Variants in HEATR9 observed in about 807,000 individuals in gnomAD.
HEATR9 encodes the protein HEAT repeat containing 9, also known as protein HEATR9.
HEATR9 carries 54 observed loss-of-function variants against 68.2 expected under a neutral mutation model. The ratio of observed to expected loss-of-function variants is 0.79; its 90% CI spans 0.64 to 0.99. The LOEUF (loss-of-function observed/expected upper bound fraction) is 0.99, where lower values mean the gene tolerates loss of function less well. Ranked by LOEUF, HEATR9 falls within the 50% of genes least tolerant of loss-of-function variation. HEATR9 has a pLI of 0.00. For synonymous variants in HEATR9, 241 were observed against 253.5 expected (o/e 0.95, Z 0.47); for missense variants, 662 against 679.7 (o/e 0.97, Z 0.29).
intron 13 of HEATR9, 55 bp from the exon 14 acceptor site, chr17:35,855,805 T>C: frequency 2.8e-6 from 4 of 1,419,504 alleles, no homozygotes; most frequent in Non-Finnish European, 3.0e-6. Context: ...AGACACCTTA[T>C]ACTCTTTCCC....
intron 6 of HEATR9, 80 bp downstream of exon 6, chr17:35,864,166 G>T: frequency 8.3e-7 from 1 of 1,211,360 alleles, no homozygotes; most frequent in Non-Finnish European, 1.2e-6. Context: ...GCACCCCGGG[G>T]AGCCTCGTCT....
intron 8 of HEATR9, among the ~76,000 whole-genome samples, chr17:35,861,980 C>G (rs2088011375): frequency 6.6e-6 from 1 of 151,912 alleles, no homozygotes; most frequent in Admixed American, 6.5e-5. Context: ...CTCAGCCTCC[C>G]AAGTAGCTGG....
chr17:35,866,872 C>A, intron 1 of HEATR9, 99 bp from the exon 2 acceptor site: 1 of 1,178,564 alleles, frequency 8.5e-7, no homozygotes, highest in South Asian at 1.2e-5. Flanking sequence ...CTTTGGGAAG[C>A]CAAGGCAGGC....
chr17:35,857,853 A>C (rs2087831002), intron 11 of HEATR9, among the ~76,000 whole-genome samples: 2 of 152,196 alleles, frequency 1.3e-5, no homozygotes, highest in South Asian at 4.1e-4. Flanking sequence ...GTTAATGCTG[A>C]TTGGTGATTT....
At chr17:35,859,730 G>A (rs1032311563) in intron 8 of HEATR9, among the ~76,000 whole-genome samples, 4 of 152,200 alleles carry the variant, frequency 2.6e-5, no homozygotes, top group Non-Finnish European at 4.4e-5. Context: ...CTATTGCAGC[G>A]AATGATCTTG....
chr17:35,868,874 A>T lies in HEATR9; in HGVS notation c.-132T>A. 1.4e-6 allele frequency: 1 copy of T among 719,766 alleles called. No individual in the cohort carries two copies. The highest frequency in any genetic ancestry group is 2.3e-6 in the Non-Finnish European group (1 of 436,144). 44.6% of individuals were successfully genotyped at this position (719,766 alleles called of 1,614,324 possible). ...ACAGGGGAGGTGTCTGGACTTCTGGAGGTAGAAGCTTCCAAGTGCTAAGCG... is the reference window on the plus strand; with the variant it reads ...ACAGGGGAGGTGTCTGGACTTCTGGTGGTAGAAGCTTCCAAGTGCTAAGCG... On this transcript the variant is annotated 5_prime_UTR_variant, in exon 1 of 15. Transcript: ENST00000604834.
At chr17:35,857,017 G>T (rs2087799003) in intron 11 of HEATR9, among the ~76,000 whole-genome samples, 1 of 152,052 alleles carries the variant, frequency 6.6e-6, no homozygotes, top group African/African-American at 2.4e-5. Flanking sequence ...TCAGTCTTGG[G>T]TGCCAGGAAG....
chr17:35,856,979 AG>A (rs77598005), intron 11 of HEATR9, among the ~76,000 whole-genome samples, 174 bp from the exon 12 acceptor site: 24,214 of 151,986 alleles, frequency 0.16, 2,164 homozygotes, highest in East Asian at 0.33. Flanking sequence ...AATACTGTGT[AG>A]GGGTACACAT....
intron 9 of HEATR9, 88 bp from the exon 10 acceptor site, chr17:35,858,613 T>G (rs2143900306): frequency 8.2e-7 from 1 of 1,225,714 alleles, no homozygotes; most frequent in Non-Finnish European, 1.2e-6. Flanking sequence ...CTAGAACTGG[T>G]GAGGAACAGC....
At chr17:35,856,595 G>A (rs1438985042) in intron 12 of HEATR9, 137 bp downstream of exon 12, 2 of 805,542 alleles carry the variant, frequency 2.5e-6, no homozygotes, top group Non-Finnish European at 4.0e-6. Context: ...ATGGGCAAGG[G>A]AGAACTGAGG....
At chr17:35,856,067 TC>T in intron 13 of HEATR9, 105 bp downstream of exon 13, 1 of 1,261,706 alleles carries the variant, frequency 7.9e-7, no homozygotes, top group Middle Eastern at 2.7e-4. Flanking sequence ...ATAAACAACT[TC>T]CCCGAAGTTT....
chr17:35,861,004 C>T, intron 8 of HEATR9: 1 of 617,638 alleles, frequency 1.6e-6, no homozygotes, highest in Non-Finnish European at 3.0e-6. Context: ...CGAGATCATG[C>T]CACTGCACTC....
intron 8 of HEATR9, chr17:35,861,294 G>A (rs1279546094): frequency 1.8e-5 from 25 of 1,382,944 alleles, no homozygotes; most frequent in Middle Eastern, 2.5e-4. Context: ...TCTTCATTGC[G>A]TCAATAGTTT....
Position 35,865,369 on chromosome 17 carries a change from G to A in HEATR9, c.166C>T (p.Pro56Ser). 6.2e-7 allele frequency: 1 copy of A among 1,613,602 alleles called. No individual in the cohort carries two copies. The highest frequency in any genetic ancestry group is 8.5e-7 in the Non-Finnish European group (1 of 1,179,972). ...CTCGGATGCTGCCTCCAGCACTCTG[G>A]ACTTGGGGGAAACTCTTCCTTTGGC... Reference protein sequence around the residue: ...QMPKEEFPPSPECWRQHPSKP... With the variant: ...QMPKEEFPPSSECWRQHPSKP... The change falls in exon 3 of 15, where the codon CCA (proline) becomes TCA (serine). Residue 56 changes from proline (P) to serine (S), a missense_variant. Transcript: ENST00000604834.
chr17:35,855,605 G>A, intron 14 of HEATR9, 59 bp downstream of exon 14: 2 of 1,509,484 alleles, frequency 1.3e-6, no homozygotes, highest in Non-Finnish European at 1.8e-6. Context: ...GAGATAGGTG[G>A]GAGAAGCTTG....
chr17:35,865,582 A>T (rs534764133), intron 2 of HEATR9, among the ~76,000 whole-genome samples, 186 bp from the exon 3 acceptor site: 1 of 152,258 alleles, frequency 6.6e-6, no homozygotes, highest in Non-Finnish European at 1.5e-5. Flanking sequence ...ACTTCATCCT[A>T]TCAAAGTCTC....
chr17:35,862,682 C>T (rs1374175781), intron 8 of HEATR9, among the ~76,000 whole-genome samples: 1 of 152,178 alleles, frequency 6.6e-6, no homozygotes, highest in African/African-American at 2.4e-5. Context: ...AGTGTACTGA[C>T]TGTGTGTTGT....
intron 2 of HEATR9, among the ~76,000 whole-genome samples, chr17:35,866,353 T>C (rs2088198655): frequency 6.6e-6 from 1 of 152,236 alleles, no homozygotes; most frequent in African/African-American, 2.4e-5. Context: ...ACACCATTTG[T>C]TGTTTATCCA....
At chr17:35,857,674 G>A (rs1474263975) in intron 11 of HEATR9, among the ~76,000 whole-genome samples, 1 of 152,034 alleles carries the variant, frequency 6.6e-6, no homozygotes, top group East Asian at 1.9e-4. Context: ...CAGGAGAATG[G>A]CGTGAACCCA....
Sources: allele counts gnomAD v4.1 joint callset (sites outside exome capture counted in the v4.1 genomes callset), GRCh38; gene constraint gnomAD v4.1.1; transcripts MANE v1.5; gene names NCBI Gene and HGNC (gene_info 2026-07-23, HGNC 2026-07-21).